CBFA2T2: variants seen among roughly 807,000 people sequenced by gnomAD.
CBFA2T2 encodes protein CBFA2T2.
CBFA2T2 carries 11 observed loss-of-function variants against 62.2 expected under a neutral mutation model. The observed-to-expected ratio is 0.18, with a 90% confidence interval of 0.11 to 0.29. The LOEUF is 0.29. Ranked by LOEUF, CBFA2T2 falls within the 10% of genes least tolerant of loss-of-function variation. The pLI is 1.00. For synonymous variants in CBFA2T2, 295 were observed against 287.5 expected (o/e 1.03, Z -0.27); for missense variants, 592 against 774.1 (o/e 0.76, Z 2.79).
intron 1 of CBFA2T2, among the ~76,000 whole-genome samples, chr20:33,495,097 G>A (rs1600894822): frequency 6.6e-6 from 1 of 151,854 alleles, no homozygotes; most frequent in African/African-American, 2.4e-5. Context: ...TAGTTTATTC[G>A]GTAGAAGTAA....
chr20:33,552,525 A>G (rs947460330), intron 1 of CBFA2T2, among the ~76,000 whole-genome samples: 1 of 152,180 alleles, frequency 6.6e-6, no homozygotes, highest in Non-Finnish European at 1.5e-5. Context: ...GGAAGACACT[A>G]TTTTCTGATC....
chr20:33,517,805 T>C lies in CBFA2T2; in HGVS notation c.34+27504T>C, dbSNP rs147490769. ...TTCTACAGGTGTGTGCCACCATACC[T>C]GGCCAATTTTTTGTATTTCTAGTAG... On this transcript the variant is annotated intron_variant, in intron 1 of 10. Coordinates refer to ENST00000342704, the MANE Select transcript of CBFA2T2 (RefSeq NM_001032999.3). Among the ~76,000 whole-genome samples, 842 of 151,322 alleles carry C rather than the reference T, an allele frequency of 5.6e-3. 5 individuals are homozygous for C. The highest frequency in any genetic ancestry group is 0.019 in the African/African-American group (787 of 41,192).
At chr20:33,496,856 T>C (rs1348911353) in intron 1 of CBFA2T2, among the ~76,000 whole-genome samples, 3 of 152,158 alleles carry the variant, frequency 2.0e-5, no homozygotes, top group African/African-American at 7.2e-5. Flanking sequence ...GACTTACCTA[T>C]ATGGACTACA....
chr20:33,623,915 G>A, intron 5 of CBFA2T2: 1 of 670,578 alleles, frequency 1.5e-6, no homozygotes, highest in Middle Eastern at 2.4e-4. Context: ...CAGGAGTACA[G>A]TTCTGCCTTT....
At chr20:33,629,657 T>A (rs2016378242) in intron 7 of CBFA2T2, 62 bp from the exon 8 acceptor site, 4 of 1,457,342 alleles carry the variant, frequency 2.7e-6, no homozygotes, top group Non-Finnish European at 3.7e-6. Flanking sequence ...TTGGCCTGAT[T>A]TACAGTGTTG....
At chr20:33,557,532 G>A (rs2012938000) in intron 1 of CBFA2T2, among the ~76,000 whole-genome samples, 1 of 136,362 alleles carries the variant, frequency 7.3e-6, no homozygotes, top group Non-Finnish European at 1.6e-5. Context: ...TGAGAGACAG[G>A]GTCTCACTCT....
chr20:33,569,696 G>A (rs918166456), intron 1 of CBFA2T2, among the ~76,000 whole-genome samples: 1 of 152,166 alleles, frequency 6.6e-6, no homozygotes, highest in South Asian at 2.1e-4. Flanking sequence ...GAGTTTAGCA[G>A]TGTAACCCAG....
intron 1 of CBFA2T2, among the ~76,000 whole-genome samples, chr20:33,518,170 G>A (rs1271032738): frequency 6.6e-6 from 1 of 151,300 alleles, no homozygotes; most frequent in East Asian, 1.9e-4. Flanking sequence ...GGATGGTTTC[G>A]GTCTCCTGAC....
chr20:33,561,165 A>G (rs1371983119), intron 1 of CBFA2T2, among the ~76,000 whole-genome samples: 1 of 152,124 alleles, frequency 6.6e-6, no homozygotes, highest in African/African-American at 2.4e-5. Flanking sequence ...TGTGAGCCAC[A>G]GTGCCTGGCC....
At chr20:33,572,114 A>G (rs2013597420) in intron 1 of CBFA2T2, among the ~76,000 whole-genome samples, 1 of 152,192 alleles carries the variant, frequency 6.6e-6, no homozygotes. Flanking sequence ...GCTGGTCTTG[A>G]ACTCCTGACT....
At chr20:33,535,147 A>G (rs1363153047) in intron 1 of CBFA2T2, among the ~76,000 whole-genome samples, 1 of 152,222 alleles carries the variant, frequency 6.6e-6, no homozygotes. Context: ...ATAATCCTGT[A>G]AAAGTTGAGG....
chr20:33,596,632 C>G (rs2014903754), intron 1 of CBFA2T2, among the ~76,000 whole-genome samples: 1 of 152,140 alleles, frequency 6.6e-6, no homozygotes, highest in Admixed American at 6.6e-5. Context: ...TACCCACTTC[C>G]AGTAAGATAC....
chr20:33,531,929 T>C (rs2012072947), intron 1 of CBFA2T2, among the ~76,000 whole-genome samples: 1 of 152,222 alleles, frequency 6.6e-6, no homozygotes, highest in Non-Finnish European at 1.5e-5. Flanking sequence ...AAGAAGGGTT[T>C]AATCATATCT....
At position 33,589,387 on chromosome 20, in the gene CBFA2T2, A is replaced by G. The variant is rs374823908; in HGVS notation, c.35-17569A>G. ...TTGTATATGCATCTTAATAGTCCTC[A>G]ATGATTTAGGCCCACAAAATGATCA... On this transcript the variant is annotated intron_variant, in intron 1 of 10. Coordinates refer to ENST00000342704, the MANE Select transcript of CBFA2T2 (RefSeq NM_001032999.3). Among the ~76,000 whole-genome samples, 6 of 152,336 alleles carry G rather than the reference A, an allele frequency of 3.9e-5. No individual in the cohort carries two copies. In the East Asian group the frequency reaches 7.7e-4, roughly 20 times the overall value.
intron 1 of CBFA2T2, among the ~76,000 whole-genome samples, chr20:33,597,813 T>G (rs772554693): frequency 2.0e-5 from 3 of 152,170 alleles, no homozygotes; most frequent in Non-Finnish European, 2.9e-5. Flanking sequence ...AATTCTTTTA[T>G]TTTTTGAAAA....
chr20:33,596,406 C>G (rs2146931916), intron 1 of CBFA2T2, among the ~76,000 whole-genome samples: 1 of 152,306 alleles, frequency 6.6e-6, no homozygotes, highest in South Asian at 2.1e-4. Flanking sequence ...TTATTAATCA[C>G]TGGTCTAATC....
At chr20:33,637,966 CTTTTTTTTTT>C (rs67124335) in intron 9 of CBFA2T2, among the ~76,000 whole-genome samples, 1 of 66,790 alleles carries the variant, frequency 1.5e-5, no homozygotes, top group Non-Finnish European at 2.6e-5. Context: ...TGCACCCGGC[CTTTTTTTTTT>C]TTTTTTTTTT....
intron 8 of CBFA2T2, among the ~76,000 whole-genome samples, chr20:33,635,653 A>C (rs1040199358): frequency 2.0e-5 from 3 of 152,212 alleles, no homozygotes; most frequent in African/African-American, 7.2e-5. Flanking sequence ...AAATTGCTTG[A>C]GGCCAGGAAT....
chr20:33,600,560 T>C, intron 1 of CBFA2T2: 1 of 316,190 alleles, frequency 3.2e-6, no homozygotes, highest in Non-Finnish European at 6.3e-6. Context: ...GAAGAGAGGC[T>C]ATGGTCCAGG....
Sources: allele counts gnomAD v4.1 joint callset (sites outside exome capture counted in the v4.1 genomes callset), GRCh38; gene constraint gnomAD v4.1.1; transcripts MANE v1.5; gene names NCBI Gene and HGNC (gene_info 2026-07-23, HGNC 2026-07-21).